Variants in NCEH1 observed in about 807,000 individuals in gnomAD.
The protein encoded by NCEH1 is neutral cholesterol ester hydrolase 1.
A neutral mutation model predicts 25.4 loss-of-function variants in NCEH1; 9 were observed. The observed-to-expected ratio is 0.35, with a 90% CI of 0.21 to 0.62. The LOEUF is 0.62. Among genes scored for constraint, NCEH1 ranks in the 20% least tolerant of loss-of-function variants. The probability of loss-of-function intolerance (pLI) is 0.72; values close to 1 mark genes in which losing one functional copy is unlikely to be tolerated. For synonymous variants in NCEH1, 200 were observed against 199.8 expected (o/e 1.00, Z -0.01); for missense variants, 412 against 501.1 (o/e 0.82, Z 1.70).
At chr3:172,685,308 A>C (rs1261110811) in intron 1 of NCEH1, among the ~76,000 whole-genome samples, 2 of 152,226 alleles carry the variant, frequency 1.3e-5, no homozygotes, top group Non-Finnish European at 2.9e-5. Flanking sequence ...AAAAGAGCCC[A>C]TCTTCACTGG....
chr3:172,652,770 A>G (rs1441083086), intron 1 of NCEH1, among the ~76,000 whole-genome samples: 1 of 152,140 alleles, frequency 6.6e-6, no homozygotes, highest in Non-Finnish European at 1.5e-5. Context: ...ATCTTGGCTC[A>G]CTACAACCTT....
chr3:172,649,055 A>G (rs539120508), intron 1 of NCEH1, among the ~76,000 whole-genome samples: 2 of 152,264 alleles, frequency 1.3e-5, no homozygotes, highest in South Asian at 2.1e-4. Flanking sequence ...AATCAGGACT[A>G]TATGATGTCT....
intron 3 of NCEH1, among the ~76,000 whole-genome samples, chr3:172,642,031 T>A (rs1716873409): frequency 6.6e-6 from 1 of 152,222 alleles, no homozygotes; most frequent in Non-Finnish European, 1.5e-5. Flanking sequence ...AGGAATTAAG[T>A]CATTCTTACA....
At chr3:172,648,250 T>A in intron 1 of NCEH1, 136 bp from the exon 2 acceptor site, 2 of 968,232 alleles carry the variant, frequency 2.1e-6, no homozygotes, top group Non-Finnish European at 3.1e-6. Context: ...GCCCTTTTAA[T>A]ACAAAAACCA....
intron 1 of NCEH1, among the ~76,000 whole-genome samples, chr3:172,677,203 G>A (rs1214472987): frequency 3.3e-5 from 5 of 152,194 alleles, no homozygotes; most frequent in African/African-American, 1.2e-4. Context: ...GTGTTACACA[G>A]GACACTCCAG....
chr3:172,699,247 G>A (rs1242824689), intron 1 of NCEH1, among the ~76,000 whole-genome samples: 1 of 152,130 alleles, frequency 6.6e-6, no homozygotes, highest in African/African-American at 2.4e-5. Context: ...GGGACAGAGG[G>A]GACAACAGGA....
At chr3:172,678,510 G>GA (rs1398067619) in intron 1 of NCEH1, among the ~76,000 whole-genome samples, 1 of 152,140 alleles carries the variant, frequency 6.6e-6, no homozygotes, top group Non-Finnish European at 1.5e-5. Flanking sequence ...TTAGTCTATT[G>GA]AAAGATCCAC....
intron 1 of NCEH1, chr3:172,703,018 GA>G (rs1560210909): frequency 6.6e-6 from 1 of 151,926 alleles, no homozygotes; most frequent in African/African-American, 2.4e-5. Context: ...AGTAAAAAAC[GA>G]AAATAAATTC....
chr3:172,667,929 AAAG>A (rs1718300643), intron 1 of NCEH1, among the ~76,000 whole-genome samples: 1 of 152,220 alleles, frequency 6.6e-6, no homozygotes, highest in African/African-American at 2.4e-5. Context: ...CCCAAAAGTT[AAAG>A]AAGCAACTTC....
chr3:172,677,357 G>A (rs1712068394), intron 1 of NCEH1, among the ~76,000 whole-genome samples: 2 of 152,188 alleles, frequency 1.3e-5, no homozygotes, highest in South Asian at 4.1e-4. Context: ...GATATCTGAA[G>A]AGCCAGATTC....
intron 1 of NCEH1, among the ~76,000 whole-genome samples, chr3:172,655,932 A>AG (rs1560187725): frequency 2.2e-4 from 33 of 152,076 alleles, no homozygotes; most frequent in African/African-American, 7.5e-4. Context: ...GAGTGAGAAA[A>AG]AGAGAGAAAA....
chr3:172,681,427 G>A (rs754663032), intron 1 of NCEH1, among the ~76,000 whole-genome samples: 26 of 152,014 alleles, frequency 1.7e-4, no homozygotes, highest in Admixed American at 4.6e-4. Context: ...CACAATAAAC[G>A]TATCCAAAGG....
At chr3:172,699,161 C>T (rs1034107488) in intron 1 of NCEH1, among the ~76,000 whole-genome samples, 1 of 151,898 alleles carries the variant, frequency 6.6e-6, no homozygotes, top group Non-Finnish European at 1.5e-5. Flanking sequence ...GGGAAGTTCT[C>T]AAAAGAGATG....
intron 1 of NCEH1, among the ~76,000 whole-genome samples, chr3:172,665,713 G>A (rs1284802811): frequency 6.6e-6 from 1 of 152,172 alleles, no homozygotes; most frequent in East Asian, 1.9e-4. Context: ...CCCCAGCCTT[G>A]CTGCTGCCTC....
At position 172,633,729 on chromosome 3, in the gene NCEH1, C is replaced by T. The variant is rs766303671; in HGVS notation, c.973G>A (p.Ala325Thr). 10 of 1,614,044 alleles carry T rather than the reference C, an allele frequency of 6.2e-6. No homozygotes were observed. Among genetic ancestry groups the T allele is most frequent in the Middle Eastern group, 1.6e-4 (1 of 6,084 alleles). Residue 325 changes from alanine (A) to threonine (T), a missense_variant, in exon 5 of 5, where the codon GCC becomes ACC. Physicochemically the swap from Ala to Thr is moderately conservative, Grantham distance 58 (BLOSUM62 0). Coordinates refer to ENST00000475381, the MANE Select transcript of NCEH1 (RefSeq NM_020792.6). ...ELPQLLDARS[A>T]PLIADQAVLQ... is the part of the protein sequence containing the mutation. ...ACTGCCTGGTCTGCAATGAGTGGGG[C>T]GGAGCGGGCATCCAGCAACTGAGGA...
intron 3 of NCEH1, among the ~76,000 whole-genome samples, chr3:172,641,460 C>T (rs1716848701): frequency 6.6e-6 from 1 of 152,134 alleles, no homozygotes; most frequent in South Asian, 2.1e-4. Flanking sequence ...GATTCCATTA[C>T]CAAGGCTGCT....
At chr3:172,672,539 T>C (rs887109082) in intron 1 of NCEH1, among the ~76,000 whole-genome samples, 4 of 152,290 alleles carry the variant, frequency 2.6e-5, no homozygotes, top group African/African-American at 9.6e-5. Context: ...CCTGATTCAG[T>C]GGAGAGACAG....
chr3:172,689,499 G>A (rs916483359), intron 1 of NCEH1, among the ~76,000 whole-genome samples: 1 of 151,298 alleles, frequency 6.6e-6, no homozygotes, highest in African/African-American at 2.4e-5. Flanking sequence ...TACCCGACTC[G>A]GCCTCCCAAA....
chr3:172,672,345 G>T (rs182363942), intron 1 of NCEH1, among the ~76,000 whole-genome samples: 1 of 152,268 alleles, frequency 6.6e-6, no homozygotes. Flanking sequence ...GAATTACAGT[G>T]AGAGCCACCG....
Sources: allele counts gnomAD v4.1 joint callset (sites outside exome capture counted in the v4.1 genomes callset), GRCh38; gene constraint gnomAD v4.1.1; transcripts MANE v1.5; gene names NCBI Gene and HGNC (gene_info 2026-07-23, HGNC 2026-07-21).